Variants in ANXA13 observed in about 807,000 individuals in gnomAD.
ANXA13 encodes annexin A13.
A neutral mutation model predicts 46.6 loss-of-function variants in ANXA13; 36 were observed. That is an observed-to-expected ratio of 0.77 (90% CI 0.59 to 1.02). ANXA13 has a LOEUF of 1.02. Ranked by LOEUF, ANXA13 falls within the 50% of genes least tolerant of loss-of-function variation. The probability of loss-of-function intolerance (pLI) is 0.00; values close to 1 mark genes in which losing one functional copy is unlikely to be tolerated. For synonymous variants in ANXA13, 163 were observed against 152.9 expected (o/e 1.07, Z -0.49); for missense variants, 417 against 396.5 (o/e 1.05, Z -0.44).
chr8:123,731,140 T>C (rs1814109699), intron 1 of ANXA13, among the ~76,000 whole-genome samples: 1 of 152,200 alleles, frequency 6.6e-6, no homozygotes, highest in African/African-American at 2.4e-5. Flanking sequence ...CTCCAGAGTT[T>C]TTGATTCTGT....
intron 4 of ANXA13, among the ~76,000 whole-genome samples, chr8:123,697,504 C>A (rs530686493): frequency 6.6e-6 from 1 of 152,296 alleles, no homozygotes; most frequent in South Asian, 2.1e-4. Flanking sequence ...TGGACCCTGG[C>A]GGCACTTCAG....
chr8:123,681,150 T>C lies in ANXA13; in HGVS notation c.*90A>G. The stretch of plus-strand genomic sequence containing the variant: ...AAGTAATCCGGGACTCTTAAGGGTT[T>C]TCGTGCGGGAGTCTCATTTGCAAGT... On this transcript the variant is annotated 3_prime_UTR_variant, in exon 11 of 11. Transcript: ENST00000419625. The C allele has an allele frequency of 2.0e-6, 3 of 1,486,540 alleles. No individual in the cohort carries two copies. Among genetic ancestry groups the C allele is most frequent in the Non-Finnish European group, 2.7e-6 (3 of 1,110,702 alleles). The allele number at this position is 1,486,540 out of a possible 1,614,324, so 92.1% of individuals were successfully genotyped here.
Position 123,684,679 on chromosome 8 carries a change from C to T in ANXA13, c.762G>A (p.Leu254=). The T allele has an allele frequency of 6.2e-7, 1 of 1,614,192 alleles. No homozygotes were observed. The change falls in exon 10 of 11, where the codon CTG becomes CTA. Residue 254 remains leucine, a synonymous_variant. Coordinates refer to ENST00000419625, the MANE Select transcript of ANXA13 (RefSeq NM_004306.4). ...QDCEDYFAER[L]YKSMKGAGTD... Reference sequence around the variant, plus strand: ...TCCCCGCACCCTTCATCGACTTGTACAGACGTTCAGCAAAATAGTCCTCAC... The same window carrying T: ...TCCCCGCACCCTTCATCGACTTGTATAGACGTTCAGCAAAATAGTCCTCAC...
At chr8:123,728,075 G>A (rs1285477044) in intron 1 of ANXA13, 5 of 152,244 alleles carry the variant, frequency 3.3e-5, no homozygotes, top group African/African-American at 1.2e-4. Context: ...TATACCGGCA[G>A]GGCAACGTGC....
intron 1 of ANXA13, chr8:123,728,018 C>T (rs1279748919): frequency 6.6e-6 from 1 of 152,190 alleles, no homozygotes; most frequent in Non-Finnish European, 1.5e-5. Flanking sequence ...CCTGTTGTCA[C>T]CTCCTGCTTC....
chr8:123,691,484 C>T (rs1236403550), intron 8 of ANXA13, among the ~76,000 whole-genome samples: 1 of 152,140 alleles, frequency 6.6e-6, no homozygotes, highest in Non-Finnish European at 1.5e-5. Context: ...GGGAGACGCC[C>T]GACAATTGCT....
chr8:123,699,439 C>A (rs569429451), intron 3 of ANXA13, among the ~76,000 whole-genome samples: 1 of 152,356 alleles, frequency 6.6e-6, no homozygotes, highest in African/African-American at 2.4e-5. Flanking sequence ...ACCTCAGCCT[C>A]TCAAAGTGCT....
chr8:123,733,664 G>T (rs990193691), intron 1 of ANXA13, among the ~76,000 whole-genome samples: 2 of 152,220 alleles, frequency 1.3e-5, no homozygotes, highest in Admixed American at 6.5e-5. Context: ...CATGTGCAAT[G>T]ACCATCTGCC....
At chr8:123,716,282 C>T (rs1813757807) in intron 1 of ANXA13, among the ~76,000 whole-genome samples, 1 of 152,112 alleles carries the variant, frequency 6.6e-6, no homozygotes, top group Non-Finnish European at 1.5e-5. Flanking sequence ...GATGGGGTCT[C>T]ACCCGTTGCC....
At chr8:123,686,148 G>A (rs1397125507) in intron 9 of ANXA13, among the ~76,000 whole-genome samples, 7 of 152,142 alleles carry the variant, frequency 4.6e-5, no homozygotes, top group Non-Finnish European at 1.0e-4. Context: ...AAAAGGCTGG[G>A]CAGGGATAGC....
chr8:123,681,973 C>A (rs971916217), intron 10 of ANXA13, among the ~76,000 whole-genome samples: 1 of 152,150 alleles, frequency 6.6e-6, no homozygotes, highest in Admixed American at 6.6e-5. Context: ...AAAGTATTAT[C>A]TTTCTTTTGA....
At position 123,684,624 on chromosome 8, in the gene ANXA13, C is replaced by A. The variant is rs146940747; in HGVS notation, c.817G>T (p.Val273Leu). The A allele has an allele frequency of 3.7e-6, 6 of 1,613,560 alleles. No homozygotes were observed. Among genetic ancestry groups the A allele is most frequent in the Admixed American group, 1.7e-5 (1 of 60,000 alleles). ...GTGTGTCTTACCTCGGCCCTGGTCACGACTATGCGAATCAACGTCTCCTCA... is the reference window on the plus strand; with the variant it reads ...GTGTGTCTTACCTCGGCCCTGGTCAAGACTATGCGAATCAACGTCTCCTCA... ...TDEETLIRIV[V>L]TRAEVDLQGI... is the part of the protein sequence containing the mutation. Residue 273 changes from valine (V) to leucine (L), a missense_variant, in exon 10 of 11, where the codon GTG becomes TTG. Transcript: ENST00000419625.
intron 1 of ANXA13, among the ~76,000 whole-genome samples, chr8:123,720,980 G>A (rs1426604526): frequency 2.6e-5 from 4 of 152,238 alleles, no homozygotes; most frequent in East Asian, 3.9e-4. Context: ...TCTCTAGAAC[G>A]AATTCATCTT....
intron 1 of ANXA13, among the ~76,000 whole-genome samples, chr8:123,716,855 C>T (rs1297659198): frequency 6.6e-6 from 1 of 152,278 alleles, no homozygotes; most frequent in African/African-American, 2.4e-5. Flanking sequence ...CCTGAAGCAA[C>T]TGAGCAGAAC....
chr8:123,725,697 G>T (rs1813969543), intron 1 of ANXA13, among the ~76,000 whole-genome samples: 1 of 152,192 alleles, frequency 6.6e-6, no homozygotes, highest in South Asian at 2.1e-4. Context: ...AGTATACCCT[G>T]TTGGGTATAT....
chr8:123,735,084 C>A (rs528606982), intron 1 of ANXA13, among the ~76,000 whole-genome samples: 1 of 146,696 alleles, frequency 6.8e-6, no homozygotes, highest in East Asian at 2.0e-4. Flanking sequence ...AGAAAACAAA[C>A]CAAACCAAAA....
chr8:123,705,525 T>G (rs971731468), intron 2 of ANXA13, among the ~76,000 whole-genome samples: 2 of 152,222 alleles, frequency 1.3e-5, no homozygotes, highest in Non-Finnish European at 2.9e-5. Flanking sequence ...AGCACACTAT[T>G]TACATGTATG....
intron 3 of ANXA13, among the ~76,000 whole-genome samples, chr8:123,700,745 A>G: frequency 7.1e-6 from 1 of 141,836 alleles, no homozygotes; most frequent in Admixed American, 7.0e-5. Flanking sequence ...TCTCTCTTTC[A>G]TTCTTTTGTT....
chr8:123,736,599 T>G (rs1216066972), intron 1 of ANXA13, among the ~76,000 whole-genome samples: 3 of 152,140 alleles, frequency 2.0e-5, no homozygotes, highest in African/African-American at 4.8e-5. Flanking sequence ...CTTACATGAG[T>G]ATTTACCTTG....
Sources: allele counts gnomAD v4.1 joint callset (sites outside exome capture counted in the v4.1 genomes callset), GRCh38; gene constraint gnomAD v4.1.1; transcripts MANE v1.5; gene names NCBI Gene and HGNC (gene_info 2026-07-23, HGNC 2026-07-21).